Variants in CACNA1E observed in about 807,000 individuals in gnomAD.
CACNA1E encodes the protein calcium voltage-gated channel subunit alpha1 E.
In CACNA1E, 40 loss-of-function variants were observed where a neutral mutation model predicts 259.2. The ratio of observed to expected loss-of-function variants is 0.15; its 90% CI spans 0.12 to 0.20. The LOEUF (loss-of-function observed/expected upper bound fraction) is 0.20. Among genes scored for constraint, CACNA1E ranks in the 10% least tolerant of loss-of-function variants. The pLI, the probability that CACNA1E is intolerant of heterozygous loss-of-function variation, is 1.00. For missense variants in CACNA1E, 1,874 were observed against 3,040.1 expected, an observed-to-expected ratio of 0.62 and a Z score of 9.02; for synonymous variants, 1,104 against 1,138.5, an observed-to-expected ratio of 0.97 and a Z score of 0.61.
rs1656358689 is a variant in CACNA1E at position 181,628,016 on chromosome 1, T to G, written c.952-23322T>G. ...AAAAATAGGATTAGTTAAGTCATAT[T>G]TTTTAAAAGCGAAAAAAATCACCCA... is the stretch of plus-strand genomic sequence containing the variant. On this transcript the variant is annotated intron_variant, in intron 6 of 47. Coordinates refer to ENST00000367573, the MANE Select transcript of CACNA1E (RefSeq NM_001205293.3). Among the ~76,000 whole-genome samples the G allele has an allele frequency of 2.0e-5, 3 of 152,232 alleles. No individual in the cohort carries two copies. In the South Asian group the frequency reaches 6.2e-4, roughly 32 times the overall value.
intron 7 of CACNA1E, among the ~76,000 whole-genome samples, chr1:181,665,260 T>C (rs1480954650): frequency 6.6e-6 from 1 of 152,170 alleles, no homozygotes; most frequent in Non-Finnish European, 1.5e-5. Flanking sequence ...TTCACACATG[T>C]ATATGATGTT....
intron 3 of CACNA1E, among the ~76,000 whole-genome samples, chr1:181,548,055 A>G (rs916753307): frequency 2.0e-5 from 3 of 152,022 alleles, no homozygotes; most frequent in Admixed American, 6.6e-5. Context: ...TTAATTTTCT[A>G]TCTGAGGCTT....
In CACNA1E at chr1:181,372,729, G is replaced by T. The variant is rs560897379; in HGVS notation, c.-14-40404G>T. Among the ~76,000 whole-genome samples, 20 of 151,856 alleles carry T rather than the reference G, an allele frequency of 1.3e-4. No homozygotes were observed. In the South Asian group the frequency reaches 4.0e-3, roughly 30 times the overall value. ...TGCTCATTCAGTAAGATGCTGGTTT[G>T]TCATGGGGGCTCTCATTATTTTGAA... is the stretch of plus-strand genomic sequence containing the variant. On this transcript the variant is annotated intron_variant, in intron 1 of 11. Coordinates refer to the CACNA1E transcript ENST00000524607.
At chr1:181,603,405 A>G (rs1572350721) in intron 6 of CACNA1E, among the ~76,000 whole-genome samples, 1 of 152,158 alleles carries the variant, frequency 6.6e-6, no homozygotes, top group Non-Finnish European at 1.5e-5. Flanking sequence ...ATTTAGGATG[A>G]TACACTGATG....
chr1:181,799,105 GA>G lies in CACNA1E; in HGVS notation c.*273del. ...AACGTGGAGGGTTATTACTGCGGGAGAAGGGACACGAGGATGGCTTTGCTTC... is the reference window on the plus strand; with the variant it reads ...AACGTGGAGGGTTATTACTGCGGGAGAGGGACACGAGGATGGCTTTGCTTC... On this transcript the variant is annotated 3_prime_UTR_variant, in exon 48 of 48. Transcript: ENST00000367573. 1 of 332,370 alleles carries G rather than the reference GA, an allele frequency of 3.0e-6. No individual in the cohort carries two copies. The allele number at this position is 332,370 out of a possible 1,614,324, so 20.6% of individuals were successfully genotyped here.
chr1:181,541,164 G>T (rs1317742055), intron 3 of CACNA1E, among the ~76,000 whole-genome samples: 1 of 152,182 alleles, frequency 6.6e-6, no homozygotes, highest in Non-Finnish European at 1.5e-5. Context: ...GAACCTGGAA[G>T]GGTAAAAGGA....
At chr1:181,688,551 A>G (rs1572605300) in intron 7 of CACNA1E, among the ~76,000 whole-genome samples, 1 of 152,346 alleles carries the variant, frequency 6.6e-6, no homozygotes, top group East Asian at 1.9e-4. Context: ...AAATTTTTAC[A>G]TATTTACAAG....
At chr1:181,551,625 G>A (rs1440166010) in intron 3 of CACNA1E, among the ~76,000 whole-genome samples, 1 of 152,110 alleles carries the variant, frequency 6.6e-6, no homozygotes, top group Non-Finnish European at 1.5e-5. Context: ...AGGGGTGTGC[G>A]AAAAAGCTCT....
chr1:181,632,307 TA>T (rs1656824151), intron 6 of CACNA1E, among the ~76,000 whole-genome samples: 1 of 152,034 alleles, frequency 6.6e-6, no homozygotes, highest in Non-Finnish European at 1.5e-5. Flanking sequence ...TTATAGAGGG[TA>T]TAGAGTAACC....
chr1:181,680,492 G>A (rs1267777114), intron 7 of CACNA1E, among the ~76,000 whole-genome samples: 1 of 152,110 alleles, frequency 6.6e-6, no homozygotes, highest in Non-Finnish European at 1.5e-5. Flanking sequence ...CCACAGGGCC[G>A]GGAAAGTCAA....
At chr1:181,640,179 A>T (rs560914216) in intron 6 of CACNA1E, among the ~76,000 whole-genome samples, 1 of 152,296 alleles carries the variant, frequency 6.6e-6, no homozygotes, top group East Asian at 1.9e-4. Flanking sequence ...CAAAGAGGTG[A>T]TGGGAAGATA....
intron 7 of CACNA1E, among the ~76,000 whole-genome samples, chr1:181,676,870 A>G (rs937369351): frequency 1.3e-5 from 2 of 152,184 alleles, no homozygotes; most frequent in Non-Finnish European, 2.9e-5. Flanking sequence ...GTTTAGAACC[A>G]TTAGTCAGTG....
intron 3 of CACNA1E, among the ~76,000 whole-genome samples, chr1:181,557,258 G>C (rs1227445090): frequency 6.6e-6 from 1 of 152,234 alleles, no homozygotes; most frequent in East Asian, 1.9e-4. Flanking sequence ...GAAGGGCATG[G>C]GGAGGAGCCA....
chr1:181,433,867 G>T (rs549532179), intron 2 of CACNA1E, among the ~76,000 whole-genome samples: 1 of 152,334 alleles, frequency 6.6e-6, no homozygotes, highest in Admixed American at 6.5e-5. Context: ...TTAAGCTAGG[G>T]ACTTAGATAA....
At position 181,717,139 on chromosome 1, in the gene CACNA1E, G is replaced by T; in HGVS notation, c.1362G>T (p.Gly454=). 2 of 1,614,034 alleles carry T rather than the reference G, an allele frequency of 1.2e-6. No individual in the cohort carries two copies. The highest frequency in any genetic ancestry group is 1.7e-6 in the Non-Finnish European group (2 of 1,179,900). ...GTATCAAAAGTGCAAAGGTAGACGG[G>T]GTCTCTTATTTCCGGCACAAGGAAA... ...RASIKSAKVD[G]VSYFRHKERL... The change falls in exon 11 of 48, where the codon GGG becomes GGT. Residue 454 remains glycine (G), a synonymous_variant. Coordinates refer to ENST00000367573, the MANE Select transcript of CACNA1E (RefSeq NM_001205293.3).
intron 3 of CACNA1E, among the ~76,000 whole-genome samples, chr1:181,537,077 G>A (rs1340660537): frequency 1.4e-5 from 2 of 148,050 alleles, no homozygotes; most frequent in Admixed American, 6.9e-5. Context: ...GCTGGGGGCC[G>A]TGGTTTCTTT....
intron 35 of CACNA1E, 78 bp from the exon 36 acceptor site, chr1:181,771,215 G>T: frequency 1.3e-6 from 1 of 762,534 alleles, no homozygotes; most frequent in East Asian, 2.7e-5. Context: ...CATGCAAGTG[G>T]CTTTGCCAAC....
At chr1:181,355,175 G>T (rs1334764260) in intron 1 of CACNA1E, among the ~76,000 whole-genome samples, 2 of 152,222 alleles carry the variant, frequency 1.3e-5, no homozygotes, top group Non-Finnish European at 2.9e-5. Flanking sequence ...GTCCCACCGT[G>T]AACTAATTGG....
At chr1:181,783,007 GC>G (rs920412980) in intron 39 of CACNA1E, among the ~76,000 whole-genome samples, 4 of 152,012 alleles carry the variant, frequency 2.6e-5, no homozygotes, top group African/African-American at 7.2e-5. Context: ...TCCTGCCTGG[GC>G]CACCCTTCCT....
Sources: gnomAD v4.1 joint callset for allele counts (sites outside exome capture counted in the v4.1 genomes callset) on GRCh38, gnomAD v4.1.1 for gene constraint, MANE v1.5 for transcripts, NCBI Gene and HGNC (gene_info 2026-07-23, HGNC 2026-07-21) for gene names.